The following CYTH1 variants were observed in gnomAD, a reference collection of about 807,000 sequenced individuals.
CYTH1 encodes cytohesin 1.
A neutral mutation model predicts 61.8 loss-of-function variants in CYTH1; 18 were observed. That is an observed-to-expected ratio of 0.29 (90% CI 0.20 to 0.43). The LOEUF (loss-of-function observed/expected upper bound fraction) is 0.43. Ranked by LOEUF, CYTH1 falls within the 20% of genes least tolerant of loss-of-function variation. CYTH1 has a pLI of 1.00. For missense variants in CYTH1, 336 were observed against 510.5 expected, an observed-to-expected ratio of 0.66 and a Z score of 3.29; for synonymous variants, 174 against 184.3, an observed-to-expected ratio of 0.94 and a Z score of 0.45.
chr17:78,777,222 A>G (rs1329140904), intron 1 of CYTH1, among the ~76,000 whole-genome samples: 1 of 151,970 alleles, frequency 6.6e-6, no homozygotes, highest in Non-Finnish European at 1.5e-5. Flanking sequence ...GATCGAGACC[A>G]TCCTGGCTAA....
chr17:78,773,499 G>A (rs548799593), intron 1 of CYTH1, among the ~76,000 whole-genome samples: 5 of 150,668 alleles, frequency 3.3e-5, no homozygotes, highest in East Asian at 2.0e-4. Flanking sequence ...GCATGGTGGC[G>A]TGCGCCTGTA....
intron 1 of CYTH1, chr17:78,736,594 A>G (rs2093321118): frequency 4.5e-6 from 1 of 224,052 alleles, no homozygotes; most frequent in South Asian, 4.6e-5. Flanking sequence ...AACTATCCTC[A>G]CAGGATTTCA....
At chr17:78,703,969 T>C (rs144240091) in intron 3 of CYTH1, among the ~76,000 whole-genome samples, 17 of 152,376 alleles carry the variant, frequency 1.1e-4, no homozygotes, top group Admixed American at 2.6e-4. Flanking sequence ...TGCTGGGTCA[T>C]ACGGTACATC....
At chr17:78,744,698 A>G (rs981037975) in intron 1 of CYTH1, among the ~76,000 whole-genome samples, 54 of 152,332 alleles carry the variant, frequency 3.5e-4, no homozygotes, top group African/African-American at 1.2e-3. Context: ...GAATTCAAAG[A>G]ACTTGCCATT....
chr17:78,727,631 G>C (rs1343644154), intron 1 of CYTH1: 1 of 470,392 alleles, frequency 2.1e-6, no homozygotes, highest in Admixed American at 2.4e-5. Context: ...GGAAGGTCCA[G>C]GATACTGGCC....
At position 78,679,520 on chromosome 17, in the gene CYTH1, C is replaced by T. The variant is rs181254962; in HGVS notation, c.1118+670G>A. 2.7e-3 allele frequency among the ~76,000 whole-genome samples: 408 copies of T among 152,316 alleles called. 1 individual carries two copies. The highest frequency in any genetic ancestry group is 9.1e-3 in the African/African-American group (378 of 41,556). On this transcript the variant is annotated intron_variant, in intron 13 of 13. Transcript: ENST00000446868. ...AGGCAGACCAAGTCCCAGGGAAGAA[C>T]ATTAAGCAAGAGAAGCCAACTGACT...
intron 1 of CYTH1, among the ~76,000 whole-genome samples, chr17:78,728,399 G>A (rs758633042): frequency 7.2e-5 from 11 of 151,974 alleles, no homozygotes; most frequent in Non-Finnish European, 1.3e-4. Context: ...TACAAAATTA[G>A]CCAGGTGTGG....
At chr17:78,680,855 G>A in intron 12 of CYTH1, 116 bp downstream of exon 12, 1 of 988,666 alleles carries the variant, frequency 1.0e-6, no homozygotes. Flanking sequence ...TAAAAAATTA[G>A]ACTAAATAAA....
intron 1 of CYTH1, among the ~76,000 whole-genome samples, chr17:78,721,036 A>G (rs2093224054): frequency 6.6e-6 from 1 of 152,202 alleles, no homozygotes; most frequent in African/African-American, 2.4e-5. Flanking sequence ...AGATTTGTTA[A>G]AAGAATTTAC....
intron 1 of CYTH1, among the ~76,000 whole-genome samples, chr17:78,750,792 A>G (rs1157390512): frequency 1.5e-5 from 2 of 132,704 alleles, no homozygotes; most frequent in Non-Finnish European, 3.3e-5. Context: ...AGAGAGCGAG[A>G]CTCCATCTCA....
intron 1 of CYTH1, among the ~76,000 whole-genome samples, chr17:78,716,141 A>T (rs931057906): frequency 5.9e-5 from 9 of 152,232 alleles, no homozygotes; most frequent in South Asian, 2.1e-4. Flanking sequence ...CATCCATCAT[A>T]GGCAGAAGGC....
At chr17:78,756,695 T>G (rs2093402603) in intron 1 of CYTH1, among the ~76,000 whole-genome samples, 1 of 152,158 alleles carries the variant, frequency 6.6e-6, no homozygotes, top group Non-Finnish European at 1.5e-5. Context: ...TAACACATTT[T>G]GGGGACACAG....
intron 11 of CYTH1, among the ~76,000 whole-genome samples, chr17:78,686,916 G>T (rs995505881): frequency 2.0e-4 from 30 of 151,968 alleles, no homozygotes; most frequent in Non-Finnish European, 2.8e-4. Flanking sequence ...CTGGTAGCTG[G>T]GATTACAGGC....
chr17:78,767,400 C>T (rs1188905575), intron 1 of CYTH1, among the ~76,000 whole-genome samples: 1 of 152,132 alleles, frequency 6.6e-6, no homozygotes, highest in Admixed American at 6.6e-5. Context: ...GGTATTTCCA[C>T]CATAGCAAAT....
chr17:78,711,974 G>A (rs954749048), intron 1 of CYTH1, among the ~76,000 whole-genome samples: 5 of 151,904 alleles, frequency 3.3e-5, no homozygotes, highest in Non-Finnish European at 7.4e-5. Context: ...AGCTACTCGG[G>A]GGGCTGACGT....
At chr17:78,699,389 C>T (rs1444628436) in intron 7 of CYTH1, among the ~76,000 whole-genome samples, 1 of 151,268 alleles carries the variant, frequency 6.6e-6, no homozygotes, top group Non-Finnish European at 1.5e-5. Flanking sequence ...AACATGTTCT[C>T]AAAAGAATGA....
intron 11 of CYTH1, among the ~76,000 whole-genome samples, chr17:78,686,233 A>G (rs966876276): frequency 6.6e-6 from 1 of 152,180 alleles, no homozygotes; most frequent in Non-Finnish European, 1.5e-5. Context: ...TATTTATAGG[A>G]CATGATTATA....
chr17:78,720,124 T>C (rs1459628541), intron 1 of CYTH1, among the ~76,000 whole-genome samples: 1 of 152,196 alleles, frequency 6.6e-6, no homozygotes, highest in African/African-American at 2.4e-5. Flanking sequence ...GAAGGTTTAA[T>C]GGCGGGTTTC....
chr17:78,703,182 G>A (rs191688436), intron 3 of CYTH1, among the ~76,000 whole-genome samples: 2,037 of 151,838 alleles, frequency 0.013, 15 homozygotes, highest in Non-Finnish European at 0.022. Flanking sequence ...GGGAGGCCGA[G>A]GTGGGTGGAT....
Sources: allele counts gnomAD v4.1 joint callset (sites outside exome capture counted in the v4.1 genomes callset), GRCh38; gene constraint gnomAD v4.1.1; transcripts MANE v1.5; gene names NCBI Gene and HGNC (gene_info 2026-07-23, HGNC 2026-07-21).